SAMD4B: variants seen among roughly 807,000 people sequenced by gnomAD.
The protein encoded by SAMD4B is protein Smaug homolog 2.
SAMD4B carries 5 observed loss-of-function variants against 74.5 expected under a neutral mutation model. The ratio of observed to expected loss-of-function variants is 0.07; its 90% CI spans 0.04 to 0.14. SAMD4B has a LOEUF of 0.14. SAMD4B is among the 10% of genes least tolerant of loss of function. The pLI is 1.00. For synonymous variants in SAMD4B, 373 were observed against 374.9 expected (o/e 1.00, Z 0.06); for missense variants, 608 against 921.8 (o/e 0.66, Z 4.41).
rs2077754351 is a variant in SAMD4B at position 39,378,690 on chromosome 19, G to A, written c.1530+101G>A. 2 of 888,082 alleles carry A rather than the reference G, an allele frequency of 2.3e-6. No individual in the cohort carries two copies. The highest frequency in any genetic ancestry group is 3.3e-5 in the African/African-American group (2 of 59,788). 55.0% of individuals were successfully genotyped at this position (888,082 alleles called of 1,614,324 possible). ...TCGGCCACCGAGGCGGGCGGATCAT[G>A]AGGTCAGGAGATCGAGACCATCCTG... is the stretch of plus-strand genomic sequence containing the variant. On this transcript the variant is annotated intron_variant, in intron 9 of 13. Coordinates refer to ENST00000610417, the MANE Select transcript of SAMD4B (RefSeq NM_001384574.2). This position sits in a 1 kb window ranked among gnomAD's most constrained non-coding sequence, Gnocchi z 4.4.
At chr19:39,349,569 A>C (rs1479994303) in intron 1 of SAMD4B, among the ~76,000 whole-genome samples, 1 of 152,046 alleles carries the variant, frequency 6.6e-6, no homozygotes, top group Non-Finnish European at 1.5e-5. Flanking sequence ...GTTTCTGGAA[A>C]TAATGGTTGA....
At position 39,383,668 on chromosome 19, in the gene SAMD4B, A is replaced by C. The variant is rs776249741; in HGVS notation, c.*141A>C. On this transcript the variant is annotated 3_prime_UTR_variant, in exon 14 of 14. Transcript: ENST00000610417. The surrounding 1 kb of genome is among the most constrained non-coding windows in gnomAD (Gnocchi z 4.1). ...ATTTTTCTACTCTCTTACCCTCTTA[A>C]CTTTTGTTTAACATTGGCACATGCC... 2 of 1,572,322 alleles carry C rather than the reference A, an allele frequency of 1.3e-6. No homozygotes were observed. Among genetic ancestry groups the C allele is most frequent in the Admixed American group, 1.8e-5 (1 of 54,508 alleles).
intron 4 of SAMD4B, among the ~76,000 whole-genome samples, chr19:39,373,881 T>G (rs1316426079): frequency 6.6e-6 from 1 of 152,090 alleles, no homozygotes; most frequent in African/African-American, 2.4e-5. Flanking sequence ...GGAGAATTGC[T>G]TGAACCCGGG....
chr19:39,368,018 TC>T (rs1755014244), intron 3 of SAMD4B, among the ~76,000 whole-genome samples: 1 of 151,218 alleles, frequency 6.6e-6, no homozygotes, highest in African/African-American at 2.4e-5. Flanking sequence ...ATCGAGACCA[TC>T]TTGGCTAATG....
downstream of SAMD4B, chr19:39,385,715 G>T (rs1462964508): frequency 1.9e-6 from 1 of 536,870 alleles, no homozygotes; most frequent in Admixed American, 3.6e-5. Flanking sequence ...GACCTTCGTT[G>T]TGCTACATTT....
chr19:39,390,617 G>A (rs2078359602), downstream of SAMD4B, among the ~76,000 whole-genome samples: 1 of 152,158 alleles, frequency 6.6e-6, no homozygotes, highest in South Asian at 2.1e-4. Flanking sequence ...GATCCCTTCT[G>A]GAGGGAGTCT....
rs2075358823 is a variant in SAMD4B at position 39,342,501 on chromosome 19, G to A, written c.-342G>A. The A allele has an allele frequency of 1.1e-5, 2 of 175,962 alleles. No homozygotes were observed. The highest frequency in any genetic ancestry group is 1.2e-5 in the Non-Finnish European group (1 of 86,390). 10.9% of individuals were successfully genotyped at this position (175,962 alleles called of 1,614,324 possible). On this transcript the variant is annotated 5_prime_UTR_variant, in exon 1 of 14. Transcript: ENST00000610417. ...CGGGAGGAGGGAGGGGAGCTTGCGGGCCCGAGAGGGGGCGACGGCGGCGGC... is the reference window on the plus strand; with the variant it reads ...CGGGAGGAGGGAGGGGAGCTTGCGGACCCGAGAGGGGGCGACGGCGGCGGC...
chr19:39,363,933 A>G (rs1243003996), intron 3 of SAMD4B, among the ~76,000 whole-genome samples: 1 of 152,110 alleles, frequency 6.6e-6, no homozygotes, highest in Non-Finnish European at 1.5e-5. Context: ...ATCCCCACCC[A>G]TTATTTACAG....
Position 39,385,266 on chromosome 19 carries a change from CCA to C in SAMD4B, c.*1741_*1742del, listed in dbSNP as rs998539438. 63 of 329,900 alleles carry C rather than the reference CCA, an allele frequency of 1.9e-4. No individual in the cohort carries two copies. The highest frequency in any genetic ancestry group is 1.3e-3 in the African/African-American group (60 of 46,958). 20.4% of individuals were successfully genotyped at this position (329,900 alleles called of 1,614,324 possible). Reference sequence around the variant, plus strand: ...AGCTGCAGGAAGTGGGATGGATGGGCCACCTCGTTTGGAATCAGCAGGGTGTC... The same window carrying C: ...AGCTGCAGGAAGTGGGATGGATGGGCCCTCGTTTGGAATCAGCAGGGTGTC... On this transcript the variant is annotated 3_prime_UTR_variant, in exon 14 of 14. Coordinates refer to ENST00000610417, the MANE Select transcript of SAMD4B (RefSeq NM_001384574.2).
downstream of SAMD4B, chr19:39,386,275 C>T (rs776690401): frequency 8.7e-6 from 14 of 1,614,056 alleles, no homozygotes; most frequent in East Asian, 6.7e-5. This position sits in a 1 kb window ranked among gnomAD's most constrained non-coding sequence, Gnocchi z 6.1. Flanking sequence ...TCGCTGCTCT[C>T]GTCCTCACCA....
Position 39,380,052 on chromosome 19 carries a change from A to G in SAMD4B, c.1617A>G (p.Ala539=), listed in dbSNP as rs1310707833. 2 of 1,613,892 alleles carry G rather than the reference A, an allele frequency of 1.2e-6. No homozygotes were observed. The highest frequency in any genetic ancestry group is 1.7e-6 in the Non-Finnish European group (2 of 1,179,900). Reference sequence around the variant, plus strand: ...TCCGGACATTCCCGCGCAAAGCCGCACTAGAGATGCAGAACTACCGGCAGC... The same window carrying G: ...TCCGGACATTCCCGCGCAAAGCCGCGCTAGAGATGCAGAACTACCGGCAGC... ...KLLRTFPRKA[A]LEMQNYRQQK... Residue 539 remains alanine (A), a synonymous_variant, in exon 10 of 14, where the codon GCA becomes GCG. Coordinates refer to ENST00000610417, the MANE Select transcript of SAMD4B (RefSeq NM_001384574.2).
intron 1 of SAMD4B, among the ~76,000 whole-genome samples, chr19:39,347,717 AGTTTT>A (rs1349648704): frequency 1.3e-5 from 2 of 152,158 alleles, no homozygotes; most frequent in African/African-American, 2.4e-5. Context: ...CTGTGAGTGG[AGTTTT>A]GTTTTGTTTG....
Position 39,369,953 on chromosome 19 carries a change from C to G in SAMD4B, c.495C>G (p.Ser165=). Residue 165 remains serine (S), a synonymous_variant, in exon 4 of 14, where the codon TCC becomes TCG. Transcript: ENST00000610417. ...GCTTCCGCTCCCGGCCAGAGCCCTC[C>G]TACCATTCACGTCAAGGCTCAGATG... is the stretch of plus-strand genomic sequence containing the variant. The part of the protein sequence containing the change: ...ASGFRSRPEP[S]YHSRQGSDEW... The G allele has an allele frequency of 6.2e-7, 1 of 1,613,818 alleles. No individual in the cohort carries two copies. Among genetic ancestry groups the G allele is most frequent in the Non-Finnish European group, 8.5e-7 (1 of 1,179,878 alleles).
downstream of SAMD4B, chr19:39,388,288 G>A (rs753981288): frequency 7.5e-6 from 12 of 1,603,930 alleles, no homozygotes; most frequent in South Asian, 1.1e-5. Context: ...CATGCCCCAG[G>A]GTCTTAAGAA....
intron 5 of SAMD4B, 75 bp from the exon 6 acceptor site, chr19:39,376,362 A>G: frequency 7.9e-7 from 1 of 1,267,398 alleles, no homozygotes; most frequent in South Asian, 1.3e-5. Context: ...CTGTGGGTTT[A>G]TCCCCACAAC....
Position 39,379,906 on chromosome 19 carries a change from G to T in SAMD4B, c.1531-60G>T, listed in dbSNP as rs1568365827. Reference sequence around the variant, plus strand: ...ATTTGAACAAATGAATGGAAGACTGGAAGGGAGGTCTGAAGGAAGCATCAC... The same window carrying T: ...ATTTGAACAAATGAATGGAAGACTGTAAGGGAGGTCTGAAGGAAGCATCAC... On this transcript the variant is annotated intron_variant, in intron 9 of 13. Transcript: ENST00000610417. The T allele has an allele frequency of 2.9e-6, 4 of 1,363,148 alleles. No homozygotes were observed. In the South Asian group the frequency reaches 4.9e-5, roughly 17 times the overall value. 84.4% of individuals were successfully genotyped at this position (1,363,148 alleles called of 1,614,324 possible). A position where few individuals can be genotyped will look rare whatever the true frequency, so the allele number is the denominator to read the frequency against.
chr19:39,375,798 C>G lies in SAMD4B; in HGVS notation c.816C>G (p.Pro272=). 1 of 1,614,026 alleles carries G rather than the reference C, an allele frequency of 6.2e-7. No individual in the cohort carries two copies. Among genetic ancestry groups the G allele is most frequent in the Non-Finnish European group, 8.5e-7 (1 of 1,180,036 alleles). ...CGCCCGATCACGCACCTCTCTCGCC[C>G]CAGAGCAGCGTGGCCTCCTCTGGCA... ...FTTPDHAPLS[P]QSSVASSGSE... is the part of the protein sequence containing the mutation. Residue 272 remains proline, a synonymous_variant, in exon 5 of 14, where the codon CCC becomes CCG. Coordinates refer to ENST00000610417, the MANE Select transcript of SAMD4B (RefSeq NM_001384574.2). This position sits in a 1 kb window ranked among gnomAD's most constrained non-coding sequence, Gnocchi z 4.1.
intron 1 of SAMD4B, among the ~76,000 whole-genome samples, chr19:39,343,058 T>C (rs2075418845): frequency 6.6e-6 from 1 of 151,600 alleles, no homozygotes; most frequent in Non-Finnish European, 1.5e-5. Context: ...CCAGAAATAG[T>C]CCTCGGAGGC....
chr19:39,357,949 C>G (rs140099694), intron 3 of SAMD4B, among the ~76,000 whole-genome samples: 1 of 152,356 alleles, frequency 6.6e-6, no homozygotes, highest in East Asian at 1.9e-4. Flanking sequence ...AAGCCAAGTA[C>G]TGTCTTTACT....
Sources: allele counts gnomAD v4.1 joint callset (sites outside exome capture counted in the v4.1 genomes callset), GRCh38; gene constraint gnomAD v4.1.1; non-coding constraint Gnocchi (gnomAD v3.1); transcripts MANE v1.5; gene names NCBI Gene and HGNC (gene_info 2026-07-23, HGNC 2026-07-21).